ANKRD11: variants seen among roughly 807,000 people sequenced by gnomAD.
ANKRD11 encodes ankyrin repeat domain 11, also known as ankyrin repeat domain-containing protein 11.
A neutral mutation model predicts 195.7 loss-of-function variants in ANKRD11; 17 were observed. That is an observed-to-expected ratio of 0.09 (90% CI 0.06 to 0.13). The LOEUF (loss-of-function observed/expected upper bound fraction) is 0.13, where lower values mean the gene tolerates loss of function less well. ANKRD11 is among the 10% of genes least tolerant of loss of function. The probability of loss-of-function intolerance (pLI) is 1.00; values close to 1 mark genes in which losing one functional copy is unlikely to be tolerated. For synonymous variants in ANKRD11, 1,953 were observed against 1,528.1 expected, an observed-to-expected ratio of 1.28 and a Z score of -6.49; for missense variants, 3,735 against 3,566.1, an observed-to-expected ratio of 1.05 and a Z score of -1.21.
intron 12 of ANKRD11, 72 bp from the exon 13 acceptor site, chr16:89,268,735 T>G: frequency 6.6e-7 from 1 of 1,523,190 alleles, no homozygotes; most frequent in Non-Finnish European, 8.9e-7. Context: ...CGACCTCAGC[T>G]GCCAGCAGGG....
intron 1 of ANKRD11, among the ~76,000 whole-genome samples, chr16:89,460,609 C>T (rs1355826081): frequency 2.6e-5 from 4 of 152,074 alleles, no homozygotes; most frequent in African/African-American, 4.8e-5. Context: ...CAGCAGCTCA[C>T]GCATGTAATC....
chr16:89,313,616 T>G, intron 3 of ANKRD11: 2 of 1,286,910 alleles, frequency 1.6e-6, no homozygotes, highest in Non-Finnish European at 2.0e-6. Context: ...TTTGATAACA[T>G]AAAGCTATAT....
At chr16:89,350,365 C>T (rs1486745082) in intron 2 of ANKRD11, among the ~76,000 whole-genome samples, 1 of 152,168 alleles carries the variant, frequency 6.6e-6, no homozygotes, top group East Asian at 1.9e-4. Flanking sequence ...GCTTTGCATG[C>T]AACTACTCAT....
chr16:89,329,258 G>T (rs144904545), intron 2 of ANKRD11, among the ~76,000 whole-genome samples: 4 of 152,348 alleles, frequency 2.6e-5, no homozygotes, highest in African/African-American at 9.6e-5. Context: ...TAAGACGGGG[G>T]ATCTGAATCA....
chr16:89,416,771 A>C (rs2152227751), intron 2 of ANKRD11, among the ~76,000 whole-genome samples: 1 of 151,984 alleles, frequency 6.6e-6, no homozygotes, highest in African/African-American at 2.4e-5. Context: ...TTCTACAAAA[A>C]AAAAAAAAAA....
At chr16:89,315,997 G>C (rs982550868) in intron 3 of ANKRD11, among the ~76,000 whole-genome samples, 1 of 152,118 alleles carries the variant, frequency 6.6e-6, no homozygotes, top group Non-Finnish European at 1.5e-5. Context: ...AACACACTGA[G>C]GGGACCCTGC....
chr16:89,448,771 G>T (rs2043922579), intron 1 of ANKRD11, among the ~76,000 whole-genome samples: 1 of 152,142 alleles, frequency 6.6e-6, no homozygotes, highest in Non-Finnish European at 1.5e-5. Context: ...TGGACTAGCA[G>T]TCCTAGAAAA....
rs372299516 is a variant in ANKRD11 at position 89,383,931 on chromosome 16, C to T, written c.-60+34353G>A. Among the ~76,000 whole-genome samples the T allele has an allele frequency of 1.5e-4, 23 of 152,344 alleles. No homozygotes were observed. In the South Asian group the frequency reaches 4.6e-3, roughly 30 times the overall value. On this transcript the variant is annotated intron_variant, in intron 2 of 12. Transcript: ENST00000301030. ...CCTTGTCAAACTCACCTCCCACTGA[C>T]GAAGGCGCTTCACAAAAGCATCTAG...
At chr16:89,351,192 C>T (rs1057195136) in intron 2 of ANKRD11, among the ~76,000 whole-genome samples, 8 of 152,178 alleles carry the variant, frequency 5.3e-5, no homozygotes, top group Admixed American at 1.3e-4. Flanking sequence ...AGCAGAGAGG[C>T]GGCGGCGGCA....
chr16:89,310,304 G>A (rs561166577), intron 3 of ANKRD11, among the ~76,000 whole-genome samples: 1 of 152,214 alleles, frequency 6.6e-6, no homozygotes, highest in African/African-American at 2.4e-5. Context: ...CCATGGGTCT[G>A]TCCTGCTACC....
intron 3 of ANKRD11, 138 bp from the exon 4 acceptor site, chr16:89,305,482 G>C: frequency 4.0e-6 from 5 of 1,257,832 alleles, no homozygotes; most frequent in Non-Finnish European, 4.5e-6. Context: ...GGGCGTGGCT[G>C]TGTGAGGCTG....
intron 2 of ANKRD11, among the ~76,000 whole-genome samples, chr16:89,393,770 A>C (rs1241966656): frequency 6.6e-6 from 1 of 152,084 alleles, no homozygotes; most frequent in African/African-American, 2.4e-5. Flanking sequence ...TCATTCTGGA[A>C]TCTGGCAGAG....
rs543642759 is a variant in ANKRD11, at chr16:89,391,215, G to A, written c.-60+27069C>T. 1.6e-4 allele frequency among the ~76,000 whole-genome samples: 22 copies of A among 141,668 alleles called. 1 individual carries two copies. In the East Asian group the frequency reaches 2.1e-3, roughly 13 times the overall value. 92.9% of individuals were successfully genotyped at this position (141,668 alleles called of 152,430 possible). On this transcript the variant is annotated intron_variant, in intron 2 of 12. Transcript: ENST00000301030. ...TGAACTCCAGCCTGGGCGACAGAGC[G>A]AGACTCTGTCTCAAAAAAAAAAAAA... is the stretch of plus-strand genomic sequence containing the variant.
rs369855089 is a variant in ANKRD11 at position 89,270,904 on chromosome 16, G to C, written c.7719C>G (p.Asp2573Glu). The stretch of plus-strand genomic sequence containing the variant: ...AACGGTCGCGCACTGACTTGTTCTC[G>C]TCACCCTGTGGAAACCAAACACGGG... ...VYNMPLESQGDENKSVRDRFN... is the reference protein window; with the variant it reads ...VYNMPLESQGEENKSVRDRFN... The change falls in exon 12 of 13, where the codon GAC becomes GAG. Residue 2573 changes from aspartate to glutamate, a missense_variant. Physicochemically the swap from Asp to Glu is conservative, Grantham distance 45. Coordinates refer to ENST00000301030, the MANE Select transcript of ANKRD11 (RefSeq NM_013275.6). The C allele has an allele frequency of 1.5e-5, 24 of 1,613,906 alleles. No individual in the cohort carries two copies. The highest frequency in any genetic ancestry group is 2.0e-5 in the Non-Finnish European group (24 of 1,179,954).
intron 2 of ANKRD11, among the ~76,000 whole-genome samples, chr16:89,379,586 CT>C (rs1172277258): frequency 6.6e-6 from 1 of 152,226 alleles, no homozygotes; most frequent in East Asian, 1.9e-4. Flanking sequence ...TCAAGTGACA[CT>C]TCTGCCTCAG....
rs1277765790 is a variant in ANKRD11 at position 89,280,361 on chromosome 16, C to T, written c.6181G>A (p.Gly2061Arg). 15 of 1,569,368 alleles carry T rather than the reference C, an allele frequency of 9.6e-6. No individual in the cohort carries two copies. The highest frequency in any genetic ancestry group is 2.3e-5 in the East Asian group (1 of 44,350). The change falls in exon 9 of 13, where the codon GGG becomes AGG. Residue 2061 changes from glycine to arginine, a missense_variant. Gly to Arg is a moderately radical substitution (Grantham distance 125). Coordinates refer to ENST00000301030, the MANE Select transcript of ANKRD11 (RefSeq NM_013275.6). ...CAGTTGCTGAAGAAGGACTCCAGCC[C>T]GGAGGGAGGGGCGTAGGGAGCCGCC... The part of the protein sequence containing the change: ...SEAAPYAPPS[G>R]LESFFSNCKS...
rs946642356 is a variant in ANKRD11 at position 89,281,481 on chromosome 16, C to G, written c.5061G>C (p.Glu1687Asp). 7 of 1,614,126 alleles carry G rather than the reference C, an allele frequency of 4.3e-6. No individual in the cohort carries two copies. The highest frequency in any genetic ancestry group is 5.9e-6 in the Non-Finnish European group (7 of 1,180,008). ...KDWLAGPHMKEVLPASPRPDQ... is the reference protein window; with the variant it reads ...KDWLAGPHMKDVLPASPRPDQ... ...CAGGCCTGGGGGACGCAGGCAGGAC[C>G]TCTTTCATGTGAGGGCCTGCCAGCC... The change falls in exon 9 of 13, where the codon GAG (glutamate) becomes GAC (aspartate). Residue 1687 changes from glutamate (E) to aspartate (D), a missense_variant. Transcript: ENST00000301030. This position sits in a 1 kb window ranked among gnomAD's most constrained non-coding sequence, Gnocchi z 5.5.
intron 2 of ANKRD11, among the ~76,000 whole-genome samples, chr16:89,384,607 G>C (rs187141788): frequency 8.1e-4 from 124 of 152,306 alleles, no homozygotes; most frequent in African/African-American, 2.9e-3. Flanking sequence ...GAGCAGGGCA[G>C]CTTCTGCAGG....
At chr16:89,393,198 G>A (rs756630462) in intron 2 of ANKRD11, among the ~76,000 whole-genome samples, 7 of 152,062 alleles carry the variant, frequency 4.6e-5, no homozygotes, top group Non-Finnish European at 7.3e-5. Flanking sequence ...TTGAGAGCAC[G>A]ACGCCAGCCT....
Sources: gnomAD v4.1 joint callset for allele counts (sites outside exome capture counted in the v4.1 genomes callset) on GRCh38, gnomAD v4.1.1 for gene constraint, Gnocchi (gnomAD v3.1) non-coding constraint, MANE v1.5 for transcripts, NCBI Gene and HGNC (gene_info 2026-07-23, HGNC 2026-07-21) for gene names.